ICE2: variants seen among roughly 807,000 people sequenced by gnomAD.
The protein encoded by ICE2 is little elongation complex subunit 2.
A neutral mutation model predicts 105.4 loss-of-function variants in ICE2; 87 were observed. The ratio of observed to expected loss-of-function variants is 0.83; its 90% CI spans 0.69 to 0.99. The LOEUF is 0.99. Ranked by LOEUF, ICE2 falls within the 50% of genes least tolerant of loss-of-function variation. The pLI, the probability that ICE2 is intolerant of heterozygous loss-of-function variation, is 0.00. For missense variants in ICE2, 1,323 were observed against 1,146.7 expected (o/e 1.15, Z -2.22); for synonymous variants, 399 against 392.0 (o/e 1.02, Z -0.21).
intron 15 of ICE2, among the ~76,000 whole-genome samples, chr15:60,425,628 C>T (rs907019271): frequency 6.6e-6 from 1 of 152,136 alleles, no homozygotes; most frequent in African/African-American, 2.4e-5. Context: ...ACCAAAGGCA[C>T]TATACAAGGA....
Position 60,421,652 on chromosome 15 carries a change from A to G in ICE2, c.*1982T>C, listed in dbSNP as rs947608943. On this transcript the variant is annotated 3_prime_UTR_variant, in exon 16 of 16. Coordinates refer to ENST00000261520, the MANE Select transcript of ICE2 (RefSeq NM_024611.6). Reference sequence around the variant, plus strand: ...GCACATTCCATTCTGGTGCACACAAATGTACATTAAAAATAAAATAAAAAA... The same window carrying G: ...GCACATTCCATTCTGGTGCACACAAGTGTACATTAAAAATAAAATAAAAAA... 1 of 152,166 alleles carries G rather than the reference A, an allele frequency of 6.6e-6. No homozygotes were observed. The highest frequency in any genetic ancestry group is 1.5e-5 in the Non-Finnish European group (1 of 68,028). The allele number at this position is 152,166 out of a possible 1,614,324, so 9.4% of individuals were successfully genotyped here.
chr15:60,452,099 CT>C (rs2063980327), intron 9 of ICE2: 1 of 985,152 alleles, frequency 1.0e-6, no homozygotes, highest in Non-Finnish European at 1.2e-6. Context: ...CATGTTTCTT[CT>C]TGTTACTGCC....
intron 13 of ICE2, 108 bp from the exon 14 acceptor site, chr15:60,432,092 C>T (rs116314467): frequency 0.018 from 9,082 of 508,846 alleles, 229 homozygotes; most frequent in East Asian, 0.062. Context: ...ACAAAAACAG[C>T]GGATGAGATA....
Position 60,423,594 on chromosome 15 carries a change from A to G in ICE2, c.*40T>C. ...AAACTTATCTAAATTAAACACTGTT[A>G]TAACTGTTTTTTTAAATTTAGTTTT... On this transcript the variant is annotated 3_prime_UTR_variant, in exon 16 of 16. Transcript: ENST00000261520. 3 of 1,563,988 alleles carry G rather than the reference A, an allele frequency of 1.9e-6. No individual in the cohort carries two copies. The highest frequency in any genetic ancestry group is 2.6e-6 in the Non-Finnish European group (3 of 1,154,922).
chr15:60,446,862 C>T (rs1187637787), intron 11 of ICE2, among the ~76,000 whole-genome samples: 1 of 151,968 alleles, frequency 6.6e-6, no homozygotes, highest in East Asian at 1.9e-4. Flanking sequence ...GACAGAGACA[C>T]CAAAACTTGT....
chr15:60,440,055 C>G (rs2063685893), intron 12 of ICE2: 1 of 152,128 alleles, frequency 6.6e-6, no homozygotes, highest in Non-Finnish European at 1.5e-5. Flanking sequence ...ATGGGTTTAT[C>G]ACCGGGAGAC....
chr15:60,467,990 T>C, intron 4 of ICE2, 71 bp downstream of exon 4: 7 of 1,355,550 alleles, frequency 5.2e-6, no homozygotes, highest in Non-Finnish European at 5.9e-6. Flanking sequence ...AAAACATAAA[T>C]GTAAATTTAA....
intron 15 of ICE2, among the ~76,000 whole-genome samples, chr15:60,425,474 GA>G (rs2063321016): frequency 6.6e-6 from 1 of 152,180 alleles, no homozygotes; most frequent in Admixed American, 6.5e-5. Context: ...AGAAAAAAGG[GA>G]TAAGTGTGAA....
intron 3 of ICE2, among the ~76,000 whole-genome samples, chr15:60,469,571 G>C (rs562303880): frequency 1.5e-3 from 223 of 152,262 alleles, no homozygotes; most frequent in African/African-American, 5.1e-3. Context: ...ATTTGTTCAG[G>C]AACTGCCGGT....
chr15:60,455,343 CTGTT>C lies in ICE2; in HGVS notation c.762_765del (p.Thr255LeufsTer25). On this transcript the variant is annotated frameshift_variant, in exon 7 of 16. Transcript: ENST00000261520. LOFTEE classifies it high-confidence loss of function. ...GTACTTACATAATGCATAGCTTCAG[CTGTT>C]TGTTCTGACGTTTCAATGGTAGCTA... 2 of 1,612,726 alleles carry C rather than the reference CTGTT, an allele frequency of 1.2e-6. No individual in the cohort carries two copies. Among genetic ancestry groups the C allele is most frequent in the Non-Finnish European group, 1.7e-6 (2 of 1,178,942 alleles).
At chr15:60,453,514 A>G (rs2064017121) in intron 9 of ICE2, 89 bp downstream of exon 9, 1 of 1,528,882 alleles carries the variant, frequency 6.5e-7, no homozygotes, top group South Asian at 1.3e-5. Flanking sequence ...ATTTTTAACT[A>G]CTAGGTTTAG....
Position 60,421,619 on chromosome 15 carries a change from T to C in ICE2, c.*2015A>G, listed in dbSNP as rs1172862543. The C allele has an allele frequency of 1.3e-5, 2 of 152,122 alleles. No homozygotes were observed. The highest frequency in any genetic ancestry group is 2.9e-5 in the Non-Finnish European group (2 of 68,026). 9.4% of individuals were successfully genotyped at this position (152,122 alleles called of 1,614,324 possible). ...CTGAAGCAACCACTGTCCAGCTCTT[T>C]AAAAAGAGCACATTCCATTCTGGTG... is the stretch of plus-strand genomic sequence containing the variant. On this transcript the variant is annotated 3_prime_UTR_variant, in exon 16 of 16. Coordinates refer to ENST00000261520, the MANE Select transcript of ICE2 (RefSeq NM_024611.6).
chr15:60,452,858 T>C (rs899801591), intron 9 of ICE2: 23 of 985,236 alleles, frequency 2.3e-5, no homozygotes, highest in Non-Finnish European at 2.7e-5. Flanking sequence ...CTACTAAGTA[T>C]ACTGAAGATT....
chr15:60,452,018 AG>A, intron 9 of ICE2: 1 of 837,152 alleles, frequency 1.2e-6, no homozygotes, highest in Non-Finnish European at 1.4e-6. Flanking sequence ...CAATAAAAGG[AG>A]GGTCCAAATT....
In ICE2 at chr15:60,449,704, A is replaced by G. The variant is rs748250105; in HGVS notation, c.1263T>C (p.Ser421=). 1.2e-6 allele frequency: 2 copies of G among 1,614,020 alleles called. No individual in the cohort carries two copies. Among genetic ancestry groups the G allele is most frequent in the African/African-American group, 2.7e-5 (2 of 74,924 alleles). Residue 421 remains serine, a synonymous_variant, in exon 10 of 16, where the codon AGT becomes AGC. Transcript: ENST00000261520. ...TKVSKSPSPA[S]TSTVPNMTDA... ...CTGTCATGTTAGGTACTGTGGAAGT[A>G]CTTGCTGGACTTGGTGATTTTGATA...
At chr15:60,476,223 A>T in intron 2 of ICE2, 56 bp from the exon 3 acceptor site, 1 of 1,039,162 alleles carries the variant, frequency 9.6e-7, no homozygotes, top group Non-Finnish European at 1.5e-6. Context: ...ATGCTAGACT[A>T]TGACACATAA....
rs762018889 is a variant in ICE2, at chr15:60,449,631, C to T, written c.1336G>A (p.Ala446Thr). ...KAGTTTVAPS[A>T]PDISANSRSL... is the part of the protein sequence containing the mutation. ...CTAGAATTAGCAGAAATGTCTGGTG[C>T]ACTTGGTGCCACAGTTGTAGTTCCT... Residue 446 changes from alanine to threonine, a missense_variant, in exon 10 of 16, where the codon GCA becomes ACA. Physicochemically the swap from Ala to Thr is moderately conservative, Grantham distance 58. Coordinates refer to ENST00000261520, the MANE Select transcript of ICE2 (RefSeq NM_024611.6). 1.2e-6 allele frequency: 2 copies of T among 1,613,986 alleles called. No individual in the cohort carries two copies. Among genetic ancestry groups the T allele is most frequent in the African/African-American group, 1.3e-5 (1 of 74,908 alleles).
chr15:60,476,793 A>C, intron 2 of ICE2, among the ~76,000 whole-genome samples: 1 of 152,254 alleles, frequency 6.6e-6, no homozygotes, highest in Non-Finnish European at 1.5e-5. Context: ...GGAATTAAAA[A>C]CTTGAAAACA....
intron 3 of ICE2, 129 bp downstream of exon 3, chr15:60,475,934 T>C (rs1042145878): frequency 2.1e-5 from 12 of 579,962 alleles, no homozygotes; most frequent in African/African-American, 1.7e-4. Context: ...TAAATACCAG[T>C]GTTAAAAGTT....
Sources: allele counts gnomAD v4.1 joint callset (sites outside exome capture counted in the v4.1 genomes callset), GRCh38; gene constraint gnomAD v4.1.1; transcripts MANE v1.5; gene names NCBI Gene and HGNC (gene_info 2026-07-23, HGNC 2026-07-21).